The following PPIE variants were observed in gnomAD, a reference collection of about 807,000 sequenced individuals.
PPIE encodes peptidyl-prolyl cis-trans isomerase E.
PPIE carries 20 observed loss-of-function variants against 38.4 expected under a neutral mutation model. That is an observed-to-expected ratio of 0.52 (90% CI 0.37 to 0.76). The LOEUF is 0.76. Ranked by LOEUF, PPIE falls within the 30% of genes least tolerant of loss-of-function variation. The pLI, the probability that PPIE is intolerant of heterozygous loss-of-function variation, is 0.00. For synonymous variants in PPIE, 142 were observed against 135.7 expected, an observed-to-expected ratio of 1.05 and a Z score of -0.32; for missense variants, 322 against 385.8, an observed-to-expected ratio of 0.83 and a Z score of 1.39.
Position 39,753,701 on chromosome 1 carries a change from A to C in PPIE, c.*346A>C. The C allele has an allele frequency of 9.4e-7, 1 of 1,069,420 alleles. No individual in the cohort carries two copies. Among genetic ancestry groups the C allele is most frequent in the Non-Finnish European group, 1.1e-6 (1 of 883,466 alleles). The allele number at this position is 1,069,420 out of a possible 1,614,324, so 66.2% of individuals were successfully genotyped here. ...TGCTAAAATAAACCCTAGTTCTTAT[A>C]TTGCTCTTCCTGCTAGTTCTTGGGA... On this transcript the variant is annotated 3_prime_UTR_variant, in exon 10 of 10. Coordinates refer to ENST00000324379, the MANE Select transcript of PPIE (RefSeq NM_006112.4).
Position 39,743,284 on chromosome 1 carries a change from C to T in PPIE, c.270C>T (p.Gly90=). ...NLAKPMRIKE[G]SSRPVWSDDD... is the part of the protein sequence containing the mutation. ...CCAAACCAATGAGAATTAAGGAAGG[C>T]TCTTCCAGGCCAGGTGAGTAGGAGC... Residue 90 remains glycine (G), a synonymous_variant, in exon 5 of 10, where the codon GGC becomes GGT. Coordinates refer to ENST00000324379, the MANE Select transcript of PPIE (RefSeq NM_006112.4). The T allele has an allele frequency of 1.2e-6, 2 of 1,614,056 alleles. No homozygotes were observed. The highest frequency in any genetic ancestry group is 1.1e-5 in the South Asian group (1 of 91,078).
chr1:39,744,315 G>A (rs1374749221), intron 6 of PPIE, among the ~76,000 whole-genome samples: 2 of 152,278 alleles, frequency 1.3e-5, no homozygotes, highest in Middle Eastern at 3.4e-3. Context: ...GCTAATGGAG[G>A]GGAGACAGAA....
chr1:39,763,806 G>C lies in PPIE; in HGVS notation c.*64G>C, dbSNP rs1354913679. The C allele has an allele frequency of 4.4e-6, 7 of 1,598,262 alleles. 1 individual carries two copies. Among genetic ancestry groups the C allele is most frequent in the Admixed American group, 1.7e-5 (1 of 59,620 alleles). On this transcript the variant is annotated 3_prime_UTR_variant, in exon 10 of 10. Coordinates refer to the PPIE transcript ENST00000356511. ...GTGGACGTCATCTGCAGGGACAGAA[G>C]GGGCAAGGTCTTTTCTGGGGTTCCT... is the stretch of plus-strand genomic sequence containing the variant.
chr1:39,741,557 G>A (rs755251775), intron 3 of PPIE, 148 bp downstream of exon 3: 45 of 819,272 alleles, frequency 5.5e-5, no homozygotes, highest in Non-Finnish European at 8.0e-5. Flanking sequence ...TAAGGAAAGC[G>A]TCTCTCACAT....
chr1:39,754,980 T>TA lies in PPIE; in HGVS notation c.*1626dup, dbSNP rs1256651106. The TA allele has an allele frequency of 2.5e-5, 25 of 983,316 alleles. No homozygotes were observed. Among genetic ancestry groups the TA allele is most frequent in the Non-Finnish European group, 3.0e-5 (25 of 828,132 alleles). 60.9% of individuals were successfully genotyped at this position (983,316 alleles called of 1,614,324 possible). A position where few individuals can be genotyped will look rare whatever the true frequency, so the allele number is the denominator to read the frequency against. On this transcript the variant is annotated 3_prime_UTR_variant, in exon 10 of 10. Coordinates refer to ENST00000324379, the MANE Select transcript of PPIE (RefSeq NM_006112.4). ...TCACAGTCCCAAGGCCTAAAATACT[T>TA]ACTATCTGAGCCTTTACAAAACAGG...
At chr1:39,745,691 C>T in intron 7 of PPIE, 193 bp downstream of exon 7, 1 of 754,964 alleles carries the variant, frequency 1.3e-6, no homozygotes, top group Admixed American at 3.2e-5. Context: ...TAAGTGCTGG[C>T]TTACTGTTTT....
downstream of PPIE, chr1:39,757,378 G>A (rs528961974): frequency 6.2e-4 from 94 of 152,374 alleles, no homozygotes; most frequent in African/African-American, 2.2e-3. Context: ...GGAAGAAGCA[G>A]AACCAGGATT....
chr1:39,743,266 A>G lies in PPIE; in HGVS notation c.252A>G (p.Pro84=), dbSNP rs1305705079. Residue 84 remains proline, a synonymous_variant, in exon 5 of 10, where the codon CCA becomes CCG. Transcript: ENST00000324379. ...CAATTCGTGTCAATTTGGCCAAACCAATGAGAATTAAGGAAGGCTCTTCCA... is the reference window on the plus strand; with the variant it reads ...CAATTCGTGTCAATTTGGCCAAACCGATGAGAATTAAGGAAGGCTCTTCCA... ...GRTIRVNLAK[P]MRIKEGSSRP... is the part of the protein sequence containing the mutation. 3.1e-6 allele frequency: 5 copies of G among 1,614,182 alleles called. No individual in the cohort carries two copies. The highest frequency in any genetic ancestry group is 3.3e-4 in the Middle Eastern group (2 of 6,062).
chr1:39,742,190 C>G (rs1647075210), intron 4 of PPIE: 2 of 433,064 alleles, frequency 4.6e-6, no homozygotes, highest in Non-Finnish European at 4.2e-6. Flanking sequence ...TTTGCAGACA[C>G]AGTGCAAATT....
Position 39,741,876 on chromosome 1 carries a change from C to T in PPIE, c.175-19C>T. On this transcript the variant is annotated intron_variant, in intron 3 of 9. Coordinates refer to ENST00000324379, the MANE Select transcript of PPIE (RefSeq NM_006112.4). ...TTTGGCTGCAAGCCTAAACTTGTACCTTTGTCTTTCCTTGGCAGGATGCTG... is the reference window on the plus strand; with the variant it reads ...TTTGGCTGCAAGCCTAAACTTGTACTTTTGTCTTTCCTTGGCAGGATGCTG... The T allele has an allele frequency of 6.2e-7, 1 of 1,614,168 alleles. No individual in the cohort carries two copies. The highest frequency in any genetic ancestry group is 8.5e-7 in the Non-Finnish European group (1 of 1,179,990).
chr1:39,762,972 G>A (rs1312392146), intron 9 of PPIE: 1 of 1,286,128 alleles, frequency 7.8e-7, no homozygotes, highest in Non-Finnish European at 1.1e-6. Flanking sequence ...TGACTGTGCA[G>A]ACAAAGCCCC....
intron 8 of PPIE, 36 bp downstream of exon 8, chr1:39,749,124 T>C (rs371294247): frequency 2.6e-6 from 4 of 1,544,144 alleles, no homozygotes; most frequent in Non-Finnish European, 3.5e-6. Context: ...CGAGGGAGGC[T>C]GGGCAAGGGT....
chr1:39,758,980 G>A (rs1433369358), downstream of PPIE: 1 of 152,310 alleles, frequency 6.6e-6, no homozygotes, highest in Non-Finnish European at 1.5e-5. Context: ...GGGCCCATGG[G>A]GAGGTGGAAC....
At position 39,763,163 on chromosome 1, in the gene PPIE, A is replaced by G. The variant is rs373679206; in HGVS notation, c.838-526A>G. ...AGTGGGAAGGAGCACTCCCCCTCACAGTAATAGGCCGAGTAGCCTTGGGGA... is the reference window on the plus strand; with the variant it reads ...AGTGGGAAGGAGCACTCCCCCTCACGGTAATAGGCCGAGTAGCCTTGGGGA... On this transcript the variant is annotated intron_variant, in intron 9 of 9. Transcript: ENST00000356511. The G allele has an allele frequency of 3.1e-6, 5 of 1,613,948 alleles. No individual in the cohort carries two copies. The African/African-American group carries it at 5.3e-5, about 17-fold the overall frequency.
chr1:39,760,455 G>A (rs1343138701), downstream of PPIE: 5 of 1,614,166 alleles, frequency 3.1e-6, no homozygotes, highest in Middle Eastern at 5.0e-4. Flanking sequence ...CCATGTTGCG[G>A]TGCTTGCGCA....
rs1001004780 is a variant in PPIE, at chr1:39,754,043, A to G, written c.*688A>G. On this transcript the variant is annotated 3_prime_UTR_variant, in exon 10 of 10. Coordinates refer to ENST00000324379, the MANE Select transcript of PPIE (RefSeq NM_006112.4). Reference sequence around the variant, plus strand: ...TAAAAAATGAAATTTTTATAACTCAAAGTGCCTTCTCTGTGCCAAGTACTA... The same window carrying G: ...TAAAAAATGAAATTTTTATAACTCAGAGTGCCTTCTCTGTGCCAAGTACTA... The G allele has an allele frequency of 1.0e-6, 1 of 985,458 alleles. No individual in the cohort carries two copies. Among genetic ancestry groups the G allele is most frequent in the Non-Finnish European group, 1.2e-6 (1 of 829,918 alleles). 61.0% of individuals were successfully genotyped at this position (985,458 alleles called of 1,614,324 possible). A position where few individuals can be genotyped will look rare whatever the true frequency, so the allele number is the denominator to read the frequency against.
At chr1:39,738,965 T>A (rs1243708498) in intron 1 of PPIE, 34 bp downstream of exon 1, 1 of 1,433,740 alleles carries the variant, frequency 7.0e-7, no homozygotes, top group South Asian at 1.6e-5. Context: ...GGAGTCTGAG[T>A]GAACGCGACC....
chr1:39,749,017 G>T lies in PPIE; in HGVS notation c.623G>T (p.Gly208Val). Residue 208 changes from glycine to valine, a missense_variant, in exon 8 of 10, where the codon GGC becomes GTC. Physicochemically the swap from Gly to Val is moderately radical, Grantham distance 109. Transcript: ENST00000324379. ...CQGGDFTNHNGTGGKSIYGKK... is the reference protein window; with the variant it reads ...CQGGDFTNHNVTGGKSIYGKK... ...GGCGGTGATTTCACAAACCACAATG[G>T]CACTGGGGGCAAGTCCATCTATGGG... 1 of 1,612,262 alleles carries T rather than the reference G, an allele frequency of 6.2e-7. No individual in the cohort carries two copies. The highest frequency in any genetic ancestry group is 8.5e-7 in the Non-Finnish European group (1 of 1,179,534).
At chr1:39,743,160 G>A in intron 4 of PPIE, 56 bp from the exon 5 acceptor site, 1 of 1,455,380 alleles carries the variant, frequency 6.9e-7, no homozygotes, top group Non-Finnish European at 9.6e-7. Context: ...TGGAAAGCTG[G>A]CTGGCCCTCT....
Sources: allele counts gnomAD v4.1 joint callset (sites outside exome capture counted in the v4.1 genomes callset), GRCh38; gene constraint gnomAD v4.1.1; transcripts MANE v1.5; gene names NCBI Gene and HGNC (gene_info 2026-07-23, HGNC 2026-07-21).